The following C8orf88 variants were observed in gnomAD, a reference collection of about 807,000 sequenced individuals.
C8orf88 encodes chromosome 8 open reading frame 88, also known as uncharacterized protein C8orf88.
C8orf88 carries 14 observed loss-of-function variants against 18.4 expected under a neutral mutation model. That is an observed-to-expected ratio of 0.76 (90% CI 0.50 to 1.19). The LOEUF is 1.19. C8orf88 is among the 50% of genes most tolerant of loss of function. The probability of loss-of-function intolerance (pLI) is 0.00; values close to 1 mark genes in which losing one functional copy is unlikely to be tolerated. For synonymous variants in C8orf88, 45 were observed against 42.9 expected (o/e 1.05, Z -0.19); for missense variants, 116 against 134.7 (o/e 0.86, Z 0.69).
At chr8:90,970,975 TAA>T (rs1476711000) in intron 4 of C8orf88, 89 bp downstream of exon 4, 8 of 654,296 alleles carry the variant, frequency 1.2e-5, no homozygotes, top group Non-Finnish European at 1.7e-5. Flanking sequence ...AAATTTCATA[TAA>T]GTTTGCATCT....
At chr8:90,972,117 A>G (rs1279486996) in intron 3 of C8orf88, among the ~76,000 whole-genome samples, 1 of 152,086 alleles carries the variant, frequency 6.6e-6, no homozygotes. Flanking sequence ...CTGCTCCATC[A>G]ATCATTGTAT....
Position 90,959,017 on chromosome 8 carries a change from C to CT in C8orf88, c.343dup (p.Ser115LysfsTer3). 1 of 1,406,436 alleles carries CT rather than the reference C, an allele frequency of 7.1e-7. No homozygotes were observed. The highest frequency in any genetic ancestry group is 9.5e-7 in the Non-Finnish European group (1 of 1,054,284). The allele number at this position is 1,406,436 out of a possible 1,614,324, so 87.1% of individuals were successfully genotyped here. On this transcript the variant is annotated frameshift_variant, in exon 6 of 6. Coordinates refer to ENST00000517562, the MANE Select transcript of C8orf88 (RefSeq NM_001190972.2). LOFTEE classifies it high-confidence loss of function. Reference sequence around the variant, plus strand: ...TCTGTTCTTAAAATGCTACTTAAAACTTTGGTTGTTTTCCTGTAATATAAA... The same window carrying CT: ...TCTGTTCTTAAAATGCTACTTAAAACTTTTGGTTGTTTTCCTGTAATATAAA...
intron 4 of C8orf88, among the ~76,000 whole-genome samples, chr8:90,964,463 T>A (rs1446231241): frequency 6.6e-6 from 1 of 151,630 alleles, no homozygotes; most frequent in Non-Finnish European, 1.5e-5. Flanking sequence ...CATTCACAGA[T>A]AACCAAATAC....
chr8:90,960,515 C>T (rs1450343339), intron 5 of C8orf88, among the ~76,000 whole-genome samples: 1 of 151,104 alleles, frequency 6.6e-6, no homozygotes, highest in Non-Finnish European at 1.5e-5. Flanking sequence ...TTTTCATGAC[C>T]TTTCCATTAA....
At chr8:90,983,117 C>T (rs2130329358) in intron 1 of C8orf88, among the ~76,000 whole-genome samples, 1 of 152,248 alleles carries the variant, frequency 6.6e-6, no homozygotes, top group African/African-American at 2.4e-5. Context: ...AGCCATGTAT[C>T]ATATCAACGA....
At chr8:90,959,854 T>A (rs537627725) in intron 5 of C8orf88, among the ~76,000 whole-genome samples, 1 of 151,428 alleles carries the variant, frequency 6.6e-6, no homozygotes, top group East Asian at 1.9e-4. Context: ...AAAACTCTAA[T>A]AGGAAGTTAA....
At chr8:90,971,631 C>T (rs2130312946) in intron 3 of C8orf88, among the ~76,000 whole-genome samples, 1 of 151,982 alleles carries the variant, frequency 6.6e-6, no homozygotes, top group Admixed American at 6.6e-5. Context: ...TTGATGTATC[C>T]AATGAGAGGA....
intron 4 of C8orf88, among the ~76,000 whole-genome samples, chr8:90,967,513 G>C (rs180693600): frequency 1.3e-5 from 2 of 151,690 alleles, no homozygotes; most frequent in Non-Finnish European, 3.0e-5. Context: ...CAAGTGTTTA[G>C]TAGAATTTAC....
At chr8:90,972,688 C>T (rs1811299386) in intron 3 of C8orf88, among the ~76,000 whole-genome samples, 1 of 152,044 alleles carries the variant, frequency 6.6e-6, no homozygotes, top group African/African-American at 2.4e-5. Flanking sequence ...GCTATGATCA[C>T]TATGTTATAG....
chr8:90,970,989 A>G (rs970141581), intron 4 of C8orf88, 77 bp downstream of exon 4: 1 of 755,456 alleles, frequency 1.3e-6, no homozygotes, highest in Admixed American at 3.2e-5. Context: ...TTTGCATCTA[A>G]GTGATAAAGT....
chr8:90,960,629 C>T, intron 5 of C8orf88, 113 bp downstream of exon 5: 3 of 552,328 alleles, frequency 5.4e-6, no homozygotes, highest in Non-Finnish European at 6.2e-6. Context: ...TTCTGAATTA[C>T]TTATATCTTA....
At chr8:90,973,104 A>T (rs1279874199) in intron 3 of C8orf88, among the ~76,000 whole-genome samples, 1 of 152,144 alleles carries the variant, frequency 6.6e-6, no homozygotes, top group Non-Finnish European at 1.5e-5. Context: ...AGGCAGAAAA[A>T]TAAAAGAGCA....
At chr8:90,962,957 A>G (rs1451858539) in intron 4 of C8orf88, among the ~76,000 whole-genome samples, 1 of 151,570 alleles carries the variant, frequency 6.6e-6, no homozygotes, top group African/African-American at 2.4e-5. Context: ...AAGAATCCCA[A>G]ATATTCTTTC....
chr8:90,984,896 T>G (rs1020060231), intron 1 of C8orf88, among the ~76,000 whole-genome samples: 4 of 152,072 alleles, frequency 2.6e-5, no homozygotes, highest in African/African-American at 4.8e-5. Context: ...TACACTTTCT[T>G]TCCCCTCATC....
chr8:90,967,877 T>C (rs1811224923), intron 4 of C8orf88, among the ~76,000 whole-genome samples: 1 of 151,724 alleles, frequency 6.6e-6, no homozygotes, highest in Non-Finnish European at 1.5e-5. Context: ...AGGAGGTACA[T>C]GACTTGTACA....
At position 90,984,392 on chromosome 8, in the gene C8orf88, C is replaced by T. The variant is rs535714469; in HGVS notation, c.-27+722G>A. On this transcript the variant is annotated intron_variant, in intron 1 of 5. Coordinates refer to ENST00000517562, the MANE Select transcript of C8orf88 (RefSeq NM_001190972.2). ...AAAATGATAGATGAAGAGAAACATA[C>T]AGGAAACATCGGGGAGTAAGAAATA... 5.7e-4 allele frequency among the ~76,000 whole-genome samples: 87 copies of T among 152,214 alleles called. 2 individuals are homozygous for T. The South Asian group carries it at 0.018, about 31-fold the overall frequency.
chr8:90,972,922 A>T (rs2255173), intron 3 of C8orf88, among the ~76,000 whole-genome samples: 111,469 of 152,058 alleles, frequency 0.73, 41,808 homozygotes, highest in African/African-American at 0.84. Flanking sequence ...TAATTTTTCA[A>T]TCCTCTTCTA....
chr8:90,982,359 C>T (rs774907759), intron 1 of C8orf88, among the ~76,000 whole-genome samples: 3 of 152,042 alleles, frequency 2.0e-5, no homozygotes, highest in South Asian at 2.1e-4. Context: ...GATGTTTATC[C>T]TAGCTATTTT....
chr8:90,984,863 T>C (rs1355451377), intron 1 of C8orf88, among the ~76,000 whole-genome samples: 2 of 152,064 alleles, frequency 1.3e-5, no homozygotes, highest in African/African-American at 2.4e-5. Flanking sequence ...CACTTGCCCC[T>C]CCGTCGGGCT....
Sources: gnomAD v4.1 joint callset for allele counts (sites outside exome capture counted in the v4.1 genomes callset) on GRCh38, gnomAD v4.1.1 for gene constraint, MANE v1.5 for transcripts, NCBI Gene and HGNC (gene_info 2026-07-23, HGNC 2026-07-21) for gene names.